Variants in MAP3K7 observed in about 807,000 individuals in gnomAD.
MAP3K7 encodes the protein TGF-beta activated kinase 1.
MAP3K7 carries 21 observed loss-of-function variants against 84.8 expected under a neutral mutation model. The observed-to-expected ratio is 0.25, with a 90% CI of 0.18 to 0.36. MAP3K7 has a LOEUF of 0.36. MAP3K7 is among the 10% of genes least tolerant of loss of function. The pLI, the probability that MAP3K7 is intolerant of heterozygous loss-of-function variation, is 1.00. For synonymous variants in MAP3K7, 241 were observed against 247.7 expected (o/e 0.97, Z 0.25); for missense variants, 503 against 747.7 (o/e 0.67, Z 3.82).
At position 90,523,672 on chromosome 6, in the gene MAP3K7, G is replaced by T; in HGVS notation, c.1462+6C>A. 6.3e-7 allele frequency: 1 copy of T among 1,593,914 alleles called. No homozygotes were observed. Among genetic ancestry groups the T allele is most frequent in the Non-Finnish European group, 8.6e-7 (1 of 1,161,940 alleles). On this transcript the variant is annotated splice_donor_region_variant and intron_variant, in intron 14 of 16. Coordinates refer to ENST00000369329, the MANE Select transcript of MAP3K7 (RefSeq NM_145331.3). ...CTTCATAAGTATGAAGAAACAGACT[G>T]GTCACCTGTGGAATCATCAGGGGTC...
chr6:90,565,031 C>T (rs1776655788), intron 3 of MAP3K7, among the ~76,000 whole-genome samples: 1 of 152,090 alleles, frequency 6.6e-6, no homozygotes, highest in African/African-American at 2.4e-5. Context: ...ACACAACATA[C>T]CAGAATCTCT....
chr6:90,578,533 C>T (rs567265144), intron 1 of MAP3K7, among the ~76,000 whole-genome samples: 1 of 152,236 alleles, frequency 6.6e-6, no homozygotes, highest in East Asian at 1.9e-4. Context: ...GGTTGGCCTT[C>T]CAAAGTGCTG....
intron 12 of MAP3K7, among the ~76,000 whole-genome samples, chr6:90,541,537 T>C (rs1273065199): frequency 1.3e-5 from 2 of 151,842 alleles, no homozygotes; most frequent in Non-Finnish European, 2.9e-5. Flanking sequence ...AGATGGACAG[T>C]GGAAAGAAGG....
intron 1 of MAP3K7, among the ~76,000 whole-genome samples, chr6:90,576,072 C>T (rs1191562649): frequency 6.6e-6 from 1 of 151,964 alleles, no homozygotes; most frequent in Non-Finnish European, 1.5e-5. Context: ...AAATAGGATG[C>T]TATGACCAAG....
chr6:90,516,808 T>C lies in MAP3K7; in HGVS notation c.1641-127A>G, dbSNP rs1582152548. The C allele has an allele frequency of 2.4e-5, 16 of 662,504 alleles. No homozygotes were observed. In the East Asian group the frequency reaches 4.6e-4, roughly 19 times the overall value. 41.0% of individuals were successfully genotyped at this position (662,504 alleles called of 1,614,324 possible). ...TCATTTTGCATCTTAGGTACACTAA[T>C]CAAATATAATTATGGGCTGGGATGG... On this transcript the variant is annotated intron_variant, in intron 16 of 16. Coordinates refer to ENST00000369329, the MANE Select transcript of MAP3K7 (RefSeq NM_145331.3).
intron 6 of MAP3K7, among the ~76,000 whole-genome samples, chr6:90,555,800 G>T (rs536501242): frequency 1.3e-5 from 2 of 152,094 alleles, no homozygotes; most frequent in Admixed American, 1.3e-4. Context: ...CTTGTTTCAT[G>T]CGTATTTCTG....
rs1450958599 is a variant in MAP3K7 at position 90,514,417 on chromosome 6, TA to T, written c.*2083del. The T allele has an allele frequency of 6.6e-5, 10 of 152,010 alleles. No individual in the cohort carries two copies. The highest frequency in any genetic ancestry group is 2.4e-4 in the African/African-American group (10 of 41,416). 9.4% of individuals were successfully genotyped at this position (152,010 alleles called of 1,614,324 possible). On this transcript the variant is annotated 3_prime_UTR_variant, in exon 17 of 17. Coordinates refer to ENST00000369329, the MANE Select transcript of MAP3K7 (RefSeq NM_145331.3). ...ACAGTACTGAAAATCTCAAGGAACT[TA>T]CTGTAAACAAACAAGCAACTGTTCA... is the stretch of plus-strand genomic sequence containing the variant.
intron 12 of MAP3K7, among the ~76,000 whole-genome samples, chr6:90,537,559 C>G (rs1280339040): frequency 6.6e-6 from 1 of 151,954 alleles, no homozygotes. Flanking sequence ...AAATTTGTAA[C>G]TCCTCTTGCA....
chr6:90,575,258 T>C (rs896959371), intron 1 of MAP3K7, among the ~76,000 whole-genome samples: 1 of 152,084 alleles, frequency 6.6e-6, no homozygotes, highest in Non-Finnish European at 1.5e-5. Flanking sequence ...TAAATAATAG[T>C]ACTTAAAAAC....
At chr6:90,571,621 A>G in intron 2 of MAP3K7, 76 bp downstream of exon 2, 1 of 841,056 alleles carries the variant, frequency 1.2e-6, no homozygotes, top group South Asian at 2.2e-5. Flanking sequence ...CTGAGAAACC[A>G]ATCTTTTTCA....
intron 4 of MAP3K7, 129 bp downstream of exon 4, chr6:90,561,493 T>A (rs1030187926): frequency 6.9e-6 from 4 of 576,146 alleles, no homozygotes; most frequent in Non-Finnish European, 6.1e-6. Flanking sequence ...CTTAGCAGAT[T>A]TTTAAAAATT....
intron 9 of MAP3K7, among the ~76,000 whole-genome samples, chr6:90,548,746 G>T (rs547442657): frequency 2.7e-5 from 4 of 150,812 alleles, no homozygotes; most frequent in African/African-American, 9.7e-5. Flanking sequence ...AACCAGCAAA[G>T]AAAACTGAGA....
Position 90,555,481 on chromosome 6 carries a change from TC to T in MAP3K7, c.607+1018del, listed in dbSNP as rs544938698. Among the ~76,000 whole-genome samples the T allele has an allele frequency of 2.4e-4, 37 of 152,226 alleles. 1 individual carries two copies. In the South Asian group the frequency reaches 7.5e-3, roughly 31 times the overall value. ...CGTGTTATACAGGATGGTCTCGATC[TC>T]CTGACCTCATGATCCGCCCACCTCA... On this transcript the variant is annotated intron_variant, in intron 6 of 16. Transcript: ENST00000369329.
chr6:90,564,532 T>C (rs1434950868), intron 3 of MAP3K7, among the ~76,000 whole-genome samples: 3 of 152,140 alleles, frequency 2.0e-5, no homozygotes, highest in Non-Finnish European at 2.9e-5. Flanking sequence ...ATCCTAAATA[T>C]ATATGCACCC....
chr6:90,577,560 G>A (rs186866898), intron 1 of MAP3K7, among the ~76,000 whole-genome samples: 6 of 152,290 alleles, frequency 3.9e-5, no homozygotes, highest in African/African-American at 4.8e-5. Flanking sequence ...CACAAGAGAG[G>A]AGAAGGAATG....
chr6:90,538,581 A>G (rs1356514012), intron 12 of MAP3K7, among the ~76,000 whole-genome samples: 1 of 151,896 alleles, frequency 6.6e-6, no homozygotes, highest in Non-Finnish European at 1.5e-5. Context: ...TAGAGAACAA[A>G]TTCCACTTTT....
At chr6:90,546,584 T>G (rs1033726878) in intron 11 of MAP3K7, among the ~76,000 whole-genome samples, 1 of 152,172 alleles carries the variant, frequency 6.6e-6, no homozygotes, top group Non-Finnish European at 1.5e-5. Context: ...CCAGCATTAC[T>G]AAAATGAAAC....
Position 90,553,440 on chromosome 6 carries a change from A to AG in MAP3K7, c.736+17_736+18insC, listed in dbSNP as rs1237600839. The stretch of plus-strand genomic sequence containing the variant: ...AAAACACAAAAAGTACTTTTAAGAA[A>AG]AATTTCTTTTTACGAACCATTATGA... On this transcript the variant is annotated intron_variant, in intron 7 of 16. Coordinates refer to ENST00000369329, the MANE Select transcript of MAP3K7 (RefSeq NM_145331.3). 1.2e-6 allele frequency: 2 copies of AG among 1,601,790 alleles called. No homozygotes were observed. Among genetic ancestry groups the AG allele is most frequent in the Non-Finnish European group, 1.7e-6 (2 of 1,176,366 alleles).
chr6:90,553,634 T>C, intron 6 of MAP3K7, 48 bp from the exon 7 acceptor site: 2 of 1,531,948 alleles, frequency 1.3e-6, no homozygotes, highest in Non-Finnish European at 1.8e-6. Context: ...TTTTTCCACA[T>C]GACTTACAGA....
Sources: allele counts gnomAD v4.1 joint callset (sites outside exome capture counted in the v4.1 genomes callset), GRCh38; gene constraint gnomAD v4.1.1; transcripts MANE v1.5; gene names NCBI Gene and HGNC (gene_info 2026-07-23, HGNC 2026-07-21).